The following INVS variants were observed in gnomAD, a reference collection of about 807,000 sequenced individuals.
The protein encoded by INVS is inversion of embryo turning homolog.
A neutral mutation model predicts 108.8 loss-of-function variants in INVS; 86 were observed. The ratio of observed to expected loss-of-function variants is 0.79; its 90% CI spans 0.66 to 0.95. The LOEUF (loss-of-function observed/expected upper bound fraction) is 0.95. INVS is among the 40% of genes least tolerant of loss of function. The probability of loss-of-function intolerance (pLI) is 0.00; values close to 1 mark genes in which losing one functional copy is unlikely to be tolerated. For missense variants in INVS, 1,169 were observed against 1,297.4 expected, an observed-to-expected ratio of 0.90 and a Z score of 1.52; for synonymous variants, 455 against 473.5, an observed-to-expected ratio of 0.96 and a Z score of 0.51.
intron 3 of INVS, among the ~76,000 whole-genome samples, chr9:100,183,955 A>G (rs561859312): frequency 6.6e-6 from 1 of 152,202 alleles, no homozygotes; most frequent in African/African-American, 2.4e-5. Context: ...ATACATATAT[A>G]TGATATCTAC....
chr9:100,271,923 C>A (rs1353549907), intron 11 of INVS, among the ~76,000 whole-genome samples: 3 of 151,566 alleles, frequency 2.0e-5, no homozygotes, highest in East Asian at 3.9e-4. Context: ...GTCTGGAGTG[C>A]AGTGGCATGA....
At chr9:100,130,957 A>T (rs564785033) in intron 3 of INVS, 1 of 152,290 alleles carries the variant, frequency 6.6e-6, no homozygotes, top group Non-Finnish European at 1.5e-5. Flanking sequence ...GTTATTATTG[A>T]CATGAGAAGA....
At chr9:100,284,706 A>C (rs1588145462) in intron 13 of INVS, 103 bp downstream of exon 13, 18 of 1,216,046 alleles carry the variant, frequency 1.5e-5, no homozygotes, top group Non-Finnish European at 1.6e-5. Flanking sequence ...TTATATTAGC[A>C]CCTAGGACCG....
At position 100,300,393 on chromosome 9, in the gene INVS, G is replaced by C. The variant is rs547957059; in HGVS notation, c.3092-175G>C. Among the ~76,000 whole-genome samples, 10 of 152,222 alleles carry C rather than the reference G, an allele frequency of 6.6e-5. No homozygotes were observed. In the East Asian group the frequency reaches 1.9e-3, roughly 29 times the overall value. ...CCCTTGAAGAGATGTCCCATATCTT[G>C]AGACTGCAGGAAATATAAAGCTATT... On this transcript the variant is annotated intron_variant, in intron 16 of 16. Coordinates refer to ENST00000262457, the MANE Select transcript of INVS (RefSeq NM_014425.5).
Position 100,229,689 on chromosome 9 carries a change from C to A in INVS, c.477C>A (p.Tyr159Ter). ...CAGCTCTGCATTGGAGTGCCTACTA[C>A]AATAACCCTGAGCATGTGAAGCTGC... ...KQTALHWSAYYNNPEHVKLLI... is the reference protein window; with the variant it reads ...KQTALHWSAY The change falls in exon 5 of 17, where the codon TAC becomes TAA. Residue 159 changes from tyrosine to a stop codon, truncating the protein, a stop_gained. Coordinates refer to ENST00000262457, the MANE Select transcript of INVS (RefSeq NM_014425.5). LOFTEE classifies it high-confidence loss of function. 1 of 1,614,082 alleles carries A rather than the reference C, an allele frequency of 6.2e-7. No individual in the cohort carries two copies. Among genetic ancestry groups the A allele is most frequent in the Non-Finnish European group, 8.5e-7 (1 of 1,179,996 alleles).
intron 3 of INVS, among the ~76,000 whole-genome samples, chr9:100,172,756 A>T: frequency 6.6e-6 from 1 of 152,216 alleles, no homozygotes; most frequent in East Asian, 1.9e-4. Context: ...ACAGGTAGGC[A>T]GTGGTCAACT....
At chr9:100,294,273 T>C (rs2118770404) in intron 14 of INVS, among the ~76,000 whole-genome samples, 1 of 152,176 alleles carries the variant, frequency 6.6e-6, no homozygotes, top group Non-Finnish European at 1.5e-5. Flanking sequence ...GTGTATGAGA[T>C]ATCGAGGTTC....
chr9:100,182,530 C>T (rs1564148051), intron 3 of INVS, among the ~76,000 whole-genome samples: 1 of 152,104 alleles, frequency 6.6e-6, no homozygotes, highest in African/African-American at 2.4e-5. Flanking sequence ...TGAAAAAAAG[C>T]TCATCATCAC....
At chr9:100,233,278 C>T (rs1210980601) in intron 5 of INVS, among the ~76,000 whole-genome samples, 5 of 152,100 alleles carry the variant, frequency 3.3e-5, no homozygotes, top group East Asian at 1.9e-4. Context: ...TGGGCTGAGA[C>T]GATGGGGTTA....
chr9:100,177,507 C>T (rs1350618393), intron 3 of INVS, among the ~76,000 whole-genome samples: 4 of 152,192 alleles, frequency 2.6e-5, no homozygotes, highest in African/African-American at 9.7e-5. Context: ...ACAAAGCCAC[C>T]AGGAAGCTCA....
At position 100,301,805 on chromosome 9, in the gene INVS, T is replaced by C. The variant is rs1056390239; in HGVS notation, c.*1131T>C. ...CACTTAATTACCTTGGTTTTTAGTT[T>C]ACTAATTATTACATTCATCGTTTTT... On this transcript the variant is annotated 3_prime_UTR_variant, in exon 17 of 17. Transcript: ENST00000262457. 4.7e-4 allele frequency among the ~76,000 whole-genome samples: 71 copies of C among 152,212 alleles called. No individual in the cohort carries two copies. Among genetic ancestry groups the C allele is most frequent in the African/African-American group, 1.6e-3 (65 of 41,442 alleles).
At chr9:100,237,705 A>G (rs762028058) in intron 5 of INVS, among the ~76,000 whole-genome samples, 10 of 152,078 alleles carry the variant, frequency 6.6e-5, no homozygotes, top group South Asian at 2.1e-4. Flanking sequence ...ACCAGTCCCA[A>G]TGAGATGAAC....
At chr9:100,151,108 G>A (rs189572246) in intron 3 of INVS, among the ~76,000 whole-genome samples, 4 of 152,270 alleles carry the variant, frequency 2.6e-5, no homozygotes. Context: ...TGAGGGAAGA[G>A]CATTCATTCC....
intron 11 of INVS, among the ~76,000 whole-genome samples, chr9:100,268,799 T>C (rs924013954): frequency 6.6e-6 from 1 of 152,140 alleles, no homozygotes; most frequent in Non-Finnish European, 1.5e-5. Flanking sequence ...TCTTTACAAA[T>C]GAGGAAACAA....
At chr9:100,180,940 T>A (rs1318097003) in intron 3 of INVS, among the ~76,000 whole-genome samples, 1 of 152,192 alleles carries the variant, frequency 6.6e-6, no homozygotes, top group Non-Finnish European at 1.5e-5. Flanking sequence ...CATGATCAAG[T>A]CAGCTTCACC....
chr9:100,251,345 A>G (rs1464438578), intron 8 of INVS, among the ~76,000 whole-genome samples: 2 of 152,262 alleles, frequency 1.3e-5, no homozygotes, highest in Non-Finnish European at 2.9e-5. Context: ...ATAGAGCCAT[A>G]ATACTTAGAA....
chr9:100,155,120 A>C (rs1194228892), intron 3 of INVS, among the ~76,000 whole-genome samples: 1 of 151,874 alleles, frequency 6.6e-6, no homozygotes, highest in Non-Finnish European at 1.5e-5. Flanking sequence ...CTGAGGCACA[A>C]GAATTGCTTG....
At chr9:100,168,718 G>T (rs1394859909) in intron 3 of INVS, among the ~76,000 whole-genome samples, 1 of 152,148 alleles carries the variant, frequency 6.6e-6, no homozygotes, top group Non-Finnish European at 1.5e-5. Context: ...TGAGGAGAAA[G>T]GCATGTGAAA....
chr9:100,125,681 ATTTTT>A (rs68122542), intron 2 of INVS, among the ~76,000 whole-genome samples: 1 of 99,018 alleles, frequency 1.0e-5, no homozygotes. Flanking sequence ...ATCAACTGTG[ATTTTT>A]TTTTTTTTTT....
Sources: allele counts gnomAD v4.1 joint callset (sites outside exome capture counted in the v4.1 genomes callset), GRCh38; gene constraint gnomAD v4.1.1; transcripts MANE v1.5; gene names NCBI Gene and HGNC (gene_info 2026-07-23, HGNC 2026-07-21).